Variants in ELN observed in about 807,000 individuals in gnomAD.
ELN encodes the protein elastin, also known as tropoelastin.
A neutral mutation model predicts 105.8 loss-of-function variants in ELN; 65 were observed. The observed-to-expected ratio is 0.61, with a 90% confidence interval of 0.50 to 0.75. ELN has a LOEUF of 0.75. Ranked by LOEUF, ELN falls within the 30% of genes least tolerant of loss-of-function variation. ELN has a pLI of 0.00. For missense variants in ELN, 882 were observed against 969.4 expected, an observed-to-expected ratio of 0.91 and a Z score of 1.20; for synonymous variants, 368 against 389.2, an observed-to-expected ratio of 0.95 and a Z score of 0.64.
At position 74,035,393 on chromosome 7, in the gene ELN, C is replaced by A; in HGVS notation, c.112C>A (p.Pro38Thr). 2 of 1,614,054 alleles carry A rather than the reference C, an allele frequency of 1.2e-6. No homozygotes were observed. Among genetic ancestry groups the A allele is most frequent in the Non-Finnish European group, 1.7e-6 (2 of 1,179,994 alleles). Residue 38 changes from proline to threonine, a missense_variant, in exon 2 of 33, where the codon CCT (proline) becomes ACT (threonine). Pro to Thr is a conservative substitution (Grantham distance 38). Coordinates refer to ENST00000252034, the MANE Select transcript of ELN (RefSeq NM_000501.4). Reference sequence around the variant, plus strand: ...CCCTGGGGCCATTCCTGGTGGAGTTCCTGGAGGAGTCTTTTATCCAGGTAA... The same window carrying A: ...CCCTGGGGCCATTCCTGGTGGAGTTACTGGAGGAGTCTTTTATCCAGGTAA... The part of the protein sequence containing the change: ...GVPGAIPGGV[P>T]GGVFYPGAGL...
intron 22 of ELN, 141 bp downstream of exon 22, chr7:74,057,837 T>C (rs1452402643): frequency 7.7e-6 from 7 of 906,302 alleles, no homozygotes; most frequent in African/African-American, 1.7e-5. Context: ...TCCTTAGACC[T>C]TTTGGCCCAC....
At chr7:74,041,686 G>A (rs1286374444) in intron 5 of ELN, among the ~76,000 whole-genome samples, 5 of 151,926 alleles carry the variant, frequency 3.3e-5, no homozygotes, top group South Asian at 2.1e-4. Context: ...CAGCCTGGGC[G>A]ACAGAGAAAG....
Position 74,069,053 on chromosome 7 carries a change from C to G in ELN, c.*353C>G. 1 of 419,498 alleles carries G rather than the reference C, an allele frequency of 2.4e-6. No individual in the cohort carries two copies. Among genetic ancestry groups the G allele is most frequent in the Non-Finnish European group, 4.5e-6 (1 of 224,188 alleles). The allele number at this position is 419,498 out of a possible 1,614,324, so 26.0% of individuals were successfully genotyped here. On this transcript the variant is annotated 3_prime_UTR_variant, in exon 33 of 33. Coordinates refer to ENST00000252034, the MANE Select transcript of ELN (RefSeq NM_000501.4). ...GGGGGGAGGGAGGAGGGAAGGGTGG[C>G]CCCTCGGGGAACCCCCTACCTGGGG... is the stretch of plus-strand genomic sequence containing the variant.
chr7:74,051,828 G>A lies in ELN; in HGVS notation c.878G>A (p.Gly293Glu), dbSNP rs782567100. ...GTGCCTGGGGCAATTCCTGGAATTG[G>A]AGGCATCGCAGGTAACATCTGTCCC... Reference protein sequence around the residue: ...PGVPGAIPGIGGIAGVGTPAA... With the variant: ...PGVPGAIPGIEGIAGVGTPAA... The change falls in exon 16 of 33, where the codon GGA becomes GAA. Residue 293 changes from glycine (G) to glutamate (E), a missense_variant. Coordinates refer to ENST00000252034, the MANE Select transcript of ELN (RefSeq NM_000501.4). The A allele has an allele frequency of 1.2e-6, 2 of 1,614,218 alleles. No homozygotes were observed. Among genetic ancestry groups the A allele is most frequent in the South Asian group, 1.1e-5 (1 of 91,080 alleles).
intron 31 of ELN, 148 bp downstream of exon 31, chr7:74,066,145 T>A: frequency 8.5e-7 from 1 of 1,174,112 alleles, no homozygotes; most frequent in Non-Finnish European, 1.2e-6. Flanking sequence ...ATTGCAGATG[T>A]ACTGGGCAAA....
intron 5 of ELN, among the ~76,000 whole-genome samples, chr7:74,042,208 C>T (rs1791383347): frequency 6.6e-6 from 1 of 151,522 alleles, no homozygotes; most frequent in Non-Finnish European, 1.5e-5. Context: ...TGGCTTGAGC[C>T]CAGGAGTTCG....
intron 19 of ELN, among the ~76,000 whole-genome samples, chr7:74,055,751 G>A (rs1436872451): frequency 6.7e-6 from 1 of 149,856 alleles, no homozygotes; most frequent in Non-Finnish European, 1.5e-5. Context: ...AAAGTGCTGG[G>A]ATTATGGGCA....
rs1554682902 is a variant in ELN at position 74,059,948 on chromosome 7, C to T, written c.1477C>T (p.Pro493Ser). ...VGVAPGVGVA[P>S]GVGLAPGVGV... ...CGTGGCTCCTGGTGTCGGTGTGGCTCCTGGAGTTGGCTTGGCTCCTGGAGT... is the reference window on the plus strand; with the variant it reads ...CGTGGCTCCTGGTGTCGGTGTGGCTTCTGGAGTTGGCTTGGCTCCTGGAGT... The change falls in exon 23 of 33, where the codon CCT (proline) becomes TCT (serine). Residue 493 changes from proline (P) to serine (S), a missense_variant. Transcript: ENST00000252034. 1.9e-6 allele frequency: 3 copies of T among 1,610,618 alleles called. No individual in the cohort carries two copies. The highest frequency in any genetic ancestry group is 2.2e-5 in the South Asian group (2 of 90,970).
At chr7:74,057,600 T>TGA (rs782534987) in intron 21 of ELN, 40 bp from the exon 22 acceptor site, 1 of 1,609,460 alleles carries the variant, frequency 6.2e-7, no homozygotes, top group African/African-American at 1.3e-5. Context: ...GGGAGGGGTG[T>TGA]GAGAGATTAC....
intron 6 of ELN, 46 bp downstream of exon 6, chr7:74,042,752 T>C (rs1563784013): frequency 1.2e-6 from 2 of 1,604,260 alleles, no homozygotes; most frequent in Admixed American, 3.3e-5. Flanking sequence ...CTGGCTTCCG[T>C]GGGGCCCTCC....
intron 1 of ELN, among the ~76,000 whole-genome samples, chr7:74,034,880 C>T (rs1789550386): frequency 6.6e-6 from 1 of 152,166 alleles, no homozygotes; most frequent in Non-Finnish European, 1.5e-5. Context: ...GCAGGCAGAT[C>T]ACTTGAGGTC....
chr7:74,034,161 G>C (rs554735761), intron 1 of ELN, among the ~76,000 whole-genome samples: 1 of 152,310 alleles, frequency 6.6e-6, no homozygotes, highest in East Asian at 1.9e-4. Flanking sequence ...ACCCAAGCTC[G>C]GCTGCCCAGT....
intron 1 of ELN, among the ~76,000 whole-genome samples, chr7:74,033,750 G>A (rs1389410439): frequency 3.9e-5 from 6 of 152,184 alleles, no homozygotes; most frequent in African/African-American, 7.2e-5. Flanking sequence ...ACGTCTGGCC[G>A]CGAGGCCTCC....
intron 18 of ELN, among the ~76,000 whole-genome samples, chr7:74,053,774 G>A (rs934352672): frequency 3.3e-5 from 5 of 151,738 alleles, no homozygotes; most frequent in South Asian, 2.1e-4. Context: ...ATGGATGGAT[G>A]GATGAATAAG....
At chr7:74,055,518 C>T (rs1038144664) in intron 19 of ELN, among the ~76,000 whole-genome samples, 5 of 151,442 alleles carry the variant, frequency 3.3e-5, no homozygotes, top group Admixed American at 6.6e-5. Flanking sequence ...CTCACTCTGT[C>T]GCCCAGGCTG....
chr7:74,037,813 T>C, intron 4 of ELN, 74 bp downstream of exon 4: 1 of 1,575,154 alleles, frequency 6.3e-7, no homozygotes, highest in Non-Finnish European at 8.6e-7. Flanking sequence ...CAGCTGGGAA[T>C]GGGACAAGGA....
rs138876104 is a variant in ELN, at chr7:74,060,451, C to T, written c.1697C>T (p.Ala566Val). 7.2e-5 allele frequency: 116 copies of T among 1,613,752 alleles called. No individual in the cohort carries two copies. The African/African-American group carries it at 1.3e-3, about 18-fold the overall frequency. The change falls in exon 25 of 33, where the codon GCT becomes GTT. Residue 566 changes from alanine (A) to valine (V), a missense_variant. Physicochemically the swap from Ala to Val is moderately conservative, Grantham distance 64. Transcript: ENST00000252034. ...GVGVPGLGVG[A>V]GVPGLGVGAG... ...GGCGTCCCTGGACTTGGAGTTGGTG[C>T]TGGTGTTCCTGGACTTGGAGTTGGT... is the stretch of plus-strand genomic sequence containing the variant.
chr7:74,050,197 C>T (rs926478700), intron 15 of ELN, among the ~76,000 whole-genome samples: 2 of 151,480 alleles, frequency 1.3e-5, no homozygotes, highest in Non-Finnish European at 2.9e-5. Context: ...ATCCATCCAT[C>T]CATCCATCTA....
chr7:74,034,103 CG>C (rs1394524250), intron 1 of ELN, among the ~76,000 whole-genome samples: 20 of 152,334 alleles, frequency 1.3e-4, no homozygotes, highest in African/African-American at 4.3e-4. Context: ...CGTCCCCCTG[CG>C]GCCCCGGCGC....
Sources: gnomAD v4.1 joint callset for allele counts (sites outside exome capture counted in the v4.1 genomes callset) on GRCh38, gnomAD v4.1.1 for gene constraint, MANE v1.5 for transcripts, NCBI Gene and HGNC (gene_info 2026-07-23, HGNC 2026-07-21) for gene names.